The following VIL1 variants were observed in gnomAD, a reference collection of about 807,000 sequenced individuals.
The protein encoded by VIL1 is villin-1.
Under a neutral mutation model 104.0 loss-of-function variants are expected in VIL1, and 86 were observed. The ratio of observed to expected loss-of-function variants is 0.83; its 90% CI spans 0.69 to 0.99. The LOEUF is 0.99. VIL1 is among the 50% of genes least tolerant of loss of function. VIL1 has a pLI of 0.00. For synonymous variants in VIL1, 394 were observed against 412.6 expected, an observed-to-expected ratio of 0.95 and a Z score of 0.55; for missense variants, 944 against 1,054.1, an observed-to-expected ratio of 0.90 and a Z score of 1.45.
At chr2:218,444,174 T>C (rs528387165) in intron 19 of VIL1, among the ~76,000 whole-genome samples, 3 of 151,918 alleles carry the variant, frequency 2.0e-5, no homozygotes, top group Non-Finnish European at 2.9e-5. Context: ...TTCACCAGAT[T>C]GGTCAGGTTG....
Position 218,429,952 on chromosome 2 carries a change from T to TG in VIL1, c.948+7dup. On this transcript the variant is annotated splice_donor_region_variant and intron_variant, in intron 9 of 19. Coordinates refer to ENST00000248444, the MANE Select transcript of VIL1 (RefSeq NM_007127.3). ...GGAGCCATGAGCCATGCGCTGGTAGTGGTGGGGGCGGGGGAGGGTCCAGGA... is the reference window on the plus strand; with the variant it reads ...GGAGCCATGAGCCATGCGCTGGTAGTGGGTGGGGGCGGGGGAGGGTCCAGGA... 1 of 785,214 alleles carries TG rather than the reference T, an allele frequency of 1.3e-6. No individual in the cohort carries two copies. Among genetic ancestry groups the TG allele is most frequent in the African/African-American group, 2.8e-5 (1 of 36,180 alleles). The allele number at this position is 785,214 out of a possible 1,614,324, so 48.6% of individuals were successfully genotyped here.
chr2:218,438,521 C>A, intron 17 of VIL1, 137 bp from the exon 18 acceptor site: 1 of 766,242 alleles, frequency 1.3e-6, no homozygotes, highest in Non-Finnish European at 2.1e-6. Context: ...CTCCTCCAGC[C>A]TCAGCCTTCA....
Position 218,436,628 on chromosome 2 carries a change from T to A in VIL1, c.1971+2T>A, listed in dbSNP as rs1559149073. The stretch of plus-strand genomic sequence containing the variant: ...TTCCTACTAGATGTCTGGGACCAGG[T>A]AGGACCAAGGGCCTGGGGACCCCTC... On this transcript the variant is annotated splice_donor_variant, in intron 16 of 19. Transcript: ENST00000248444. LOFTEE classifies it high-confidence loss of function. 1 of 1,613,696 alleles carries A rather than the reference T, an allele frequency of 6.2e-7. No homozygotes were observed. Among genetic ancestry groups the A allele is most frequent in the Non-Finnish European group, 8.5e-7 (1 of 1,179,848 alleles).
chr2:218,443,095 G>A (rs1161863108), intron 19 of VIL1, among the ~76,000 whole-genome samples: 1 of 152,142 alleles, frequency 6.6e-6, no homozygotes, highest in Non-Finnish European at 1.5e-5. Flanking sequence ...GAGAGATGAA[G>A]TGACTTGCCT....
At chr2:218,434,493 C>T in intron 13 of VIL1, 33 bp from the exon 14 acceptor site, 1 of 1,582,786 alleles carries the variant, frequency 6.3e-7, no homozygotes, top group Non-Finnish European at 8.6e-7. Flanking sequence ...TGACTCCTGA[C>T]TCTCTCTCCC....
intron 13 of VIL1, among the ~76,000 whole-genome samples, chr2:218,433,519 C>T (rs1042911797): frequency 5.3e-5 from 8 of 152,064 alleles, no homozygotes; most frequent in African/African-American, 1.9e-4. Flanking sequence ...GGGTGGATCA[C>T]CTGAGGTCAG....
At chr2:218,448,034 T>C (rs1017963700) in intron 19 of VIL1, among the ~76,000 whole-genome samples, 6 of 151,474 alleles carry the variant, frequency 4.0e-5, no homozygotes, top group African/African-American at 1.5e-4. Context: ...CCAAGACGGG[T>C]GGACTGTTTG....
chr2:218,431,194 C>T (rs1041321716), intron 10 of VIL1: 2 of 500,932 alleles, frequency 4.0e-6, no homozygotes, highest in Non-Finnish European at 7.0e-6. Context: ...AAAAAAAGAA[C>T]TAATAAATTA....
At chr2:218,447,732 T>G (rs1689389659) in intron 19 of VIL1, among the ~76,000 whole-genome samples, 1 of 151,408 alleles carries the variant, frequency 6.6e-6, no homozygotes, top group African/African-American at 2.4e-5. Flanking sequence ...AACAACATAC[T>G]TTGTTTTGTT....
intron 1 of VIL1, among the ~76,000 whole-genome samples, chr2:218,420,717 C>G (rs1309955044): frequency 6.6e-6 from 1 of 151,862 alleles, no homozygotes; most frequent in Non-Finnish European, 1.5e-5. Context: ...TCCCGCGTAG[C>G]TGGGACTACA....
At chr2:218,432,972 T>G (rs1574815858) in intron 13 of VIL1, 21 bp downstream of exon 13, 3 of 1,613,638 alleles carry the variant, frequency 1.9e-6, no homozygotes, top group Non-Finnish European at 2.5e-6. Context: ...TGAACTGAGG[T>G]GTCTGGCAGT....
At chr2:218,431,667 G>A (rs966442800) in intron 10 of VIL1, among the ~76,000 whole-genome samples, 190 bp from the exon 11 acceptor site, 9 of 152,104 alleles carry the variant, frequency 5.9e-5, no homozygotes, top group African/African-American at 2.2e-4. Context: ...AGTTTTAGAG[G>A]GAGGGAGATG....
chr2:218,436,514 G>A lies in VIL1; in HGVS notation c.1859G>A (p.Arg620Gln), dbSNP rs200488507. 4.1e-5 allele frequency: 66 copies of A among 1,613,936 alleles called. No homozygotes were observed. The Middle Eastern group carries it at 6.6e-4, about 16-fold the overall frequency. ...LQEENLVITP[R>Q]LFECSNKTGR... ...GAAGAAAACCTGGTCATCACCCCCC[G>A]GCTCTTTGAGTGTTCCAACAAGACT... Residue 620 changes from arginine (R) to glutamine (Q), a missense_variant, in exon 16 of 20, where the codon CGG becomes CAG. Coordinates refer to ENST00000248444, the MANE Select transcript of VIL1 (RefSeq NM_007127.3).
chr2:218,424,495 C>A, intron 3 of VIL1, 144 bp downstream of exon 3: 1 of 798,848 alleles, frequency 1.3e-6, no homozygotes, highest in South Asian at 1.6e-5. Flanking sequence ...GTGCCCAACC[C>A]TGTGGGGGCT....
At chr2:218,422,527 G>A (rs531834264) in intron 1 of VIL1, among the ~76,000 whole-genome samples, 4 of 152,292 alleles carry the variant, frequency 2.6e-5, no homozygotes, top group Non-Finnish European at 4.4e-5. Flanking sequence ...CTAATCAGTC[G>A]GAGCAGGCAA....
At chr2:218,433,521 T>A in intron 13 of VIL1, among the ~76,000 whole-genome samples, 1 of 151,984 alleles carries the variant, frequency 6.6e-6, no homozygotes, top group Non-Finnish European at 1.5e-5. Context: ...GTGGATCACC[T>A]GAGGTCAGTA....
Position 218,430,897 on chromosome 2 carries a change from C to T in VIL1, c.1102+19C>T, listed in dbSNP as rs1174392496. On this transcript the variant is annotated intron_variant, in intron 10 of 19. Coordinates refer to ENST00000248444, the MANE Select transcript of VIL1 (RefSeq NM_007127.3). ...TCCGTGGGTGAGGGCCAGGCGGGGG[C>T]AGTGAGGGAGCCAGGATCCAGGAGC... The T allele has an allele frequency of 1.2e-6, 2 of 1,604,134 alleles. No homozygotes were observed. Among genetic ancestry groups the T allele is most frequent in the South Asian group, 2.2e-5 (2 of 89,878 alleles).
At chr2:218,443,029 C>G (rs1282118766) in intron 19 of VIL1, among the ~76,000 whole-genome samples, 1 of 151,974 alleles carries the variant, frequency 6.6e-6, no homozygotes, top group Non-Finnish European at 1.5e-5. Flanking sequence ...ACATAGTACT[C>G]TACAAATGAA....
At position 218,437,308 on chromosome 2, in the gene VIL1, G is replaced by C. The variant is rs1178944677; in HGVS notation, c.2156G>C (p.Trp719Ser). The C allele has an allele frequency of 1.2e-6, 2 of 1,613,562 alleles. No homozygotes were observed. Among genetic ancestry groups the C allele is most frequent in the African/African-American group, 2.7e-5 (2 of 75,030 alleles). The change falls in exon 17 of 20, where the codon TGG becomes TCG. Residue 719 changes from tryptophan to serine, a missense_variant. Physicochemically the swap from Trp to Ser is radical, Grantham distance 177. Coordinates refer to ENST00000248444, the MANE Select transcript of VIL1 (RefSeq NM_007127.3). ...TTCCTGGCTTGGGATCCCTTCAAGT[G>C]GAGTGTGAGTGGCCTCATCCCAGCA... ...GWFLAWDPFK[W>S]SNTKSYEDLK...
Sources: allele counts gnomAD v4.1 joint callset (sites outside exome capture counted in the v4.1 genomes callset), GRCh38; gene constraint gnomAD v4.1.1; transcripts MANE v1.5; gene names NCBI Gene and HGNC (gene_info 2026-07-23, HGNC 2026-07-21).